USH1C: variants seen among roughly 807,000 people sequenced by gnomAD.
USH1C encodes the protein harmonin.
USH1C carries 90 observed loss-of-function variants against 119.3 expected under a neutral mutation model. The ratio of observed to expected loss-of-function variants is 0.75; its 90% CI spans 0.64 to 0.90. The LOEUF (loss-of-function observed/expected upper bound fraction) is 0.90. Ranked by LOEUF, USH1C falls within the 40% of genes least tolerant of loss-of-function variation. The pLI is 0.00. For synonymous variants in USH1C, 465 were observed against 443.3 expected, an observed-to-expected ratio of 1.05 and a Z score of -0.62; for missense variants, 1,165 against 1,167.7, an observed-to-expected ratio of 1.00 and a Z score of 0.03.
chr11:17,519,325 G>T (rs1028453067), intron 14 of USH1C, among the ~76,000 whole-genome samples: 1 of 152,232 alleles, frequency 6.6e-6, no homozygotes, highest in African/African-American at 2.4e-5. Context: ...GCAGGCGGGG[G>T]TCATCCATCC....
At chr11:17,534,293 G>C (rs1433968903) in intron 1 of USH1C, among the ~76,000 whole-genome samples, 1 of 152,220 alleles carries the variant, frequency 6.6e-6, no homozygotes, top group Non-Finnish European at 1.5e-5. Context: ...TCTTTCTGTG[G>C]GTATCCCAAG....
intron 4 of USH1C, among the ~76,000 whole-genome samples, chr11:17,530,242 C>T (rs188481484): frequency 1.4e-3 from 207 of 152,302 alleles, no homozygotes; most frequent in African/African-American, 4.7e-3. Context: ...TTTATCTCAA[C>T]ACACAAAAAC....
chr11:17,543,421 C>T lies in USH1C; in HGVS notation c.36+851G>A, dbSNP rs534448383. 7.2e-5 allele frequency among the ~76,000 whole-genome samples: 11 copies of T among 152,290 alleles called. No individual in the cohort carries two copies. The East Asian group carries it at 1.2e-3, about 16-fold the overall frequency. On this transcript the variant is annotated intron_variant, in intron 1 of 26. Transcript: ENST00000005226. ...GGGAGCTCCAGATACCACCCACCCC[C>T]CCCAAGCGGCTTCATCCCCAGACTC...
intron 20 of USH1C, among the ~76,000 whole-genome samples, chr11:17,503,576 T>C (rs1247961279): frequency 1.3e-5 from 2 of 152,196 alleles, no homozygotes; most frequent in Admixed American, 1.3e-4. Flanking sequence ...GACTCTGCAC[T>C]TCCCTGCTTC....
rs200428926 is a variant in USH1C, at chr11:17,501,057, G to T, written c.2374C>A (p.Arg792=). The change falls in exon 23 of 27, where the codon CGG becomes AGG. Residue 792 remains arginine (R), a synonymous_variant. Coordinates refer to ENST00000005226, the MANE Select transcript of USH1C (RefSeq NM_153676.4). ...GTGGCTAGTCTCCACTCACCATGCCGCTCAGCAGCTCCCCGCTCATACACA... is the reference window on the plus strand; with the variant it reads ...GTGGCTAGTCTCCACTCACCATGCCTCTCAGCAGCTCCCCGCTCATACACA... ...SAVYERGAAE[R]HGGIVKGDEI... is the part of the protein sequence containing the mutation. The T allele has an allele frequency of 6.0e-5, 96 of 1,613,344 alleles. No individual in the cohort carries two copies. In the South Asian group the frequency reaches 9.9e-4, roughly 17 times the overall value.
chr11:17,531,064 A>G lies in USH1C; in HGVS notation c.387+90T>C. ...CGAAGGCTCAGAAAAGTGGGTGACC[A>G]TGTTGTGCCACACAGCCTAGTGGAT... On this transcript the variant is annotated intron_variant, in intron 4 of 26. Transcript: ENST00000005226. This position sits in a 1 kb window ranked among gnomAD's most constrained non-coding sequence, Gnocchi z 4.2. 1.3e-6 allele frequency: 2 copies of G among 1,597,054 alleles called. No individual in the cohort carries two copies. Among genetic ancestry groups the G allele is most frequent in the Non-Finnish European group, 8.5e-7 (1 of 1,171,018 alleles).
intron 23 of USH1C, among the ~76,000 whole-genome samples, chr11:17,500,589 T>C (rs1173827366): frequency 6.6e-6 from 1 of 152,112 alleles, no homozygotes; most frequent in Non-Finnish European, 1.5e-5. Flanking sequence ...CACGTGCTGC[T>C]CCTCTTCCTC....
In USH1C at chr11:17,494,222, G is replaced by A; in HGVS notation, c.*110C>T. The A allele has an allele frequency of 1.5e-6, 2 of 1,341,760 alleles. No individual in the cohort carries two copies. The highest frequency in any genetic ancestry group is 2.5e-5 in the South Asian group (2 of 79,932). The allele number at this position is 1,341,760 out of a possible 1,614,324, so 83.1% of individuals were successfully genotyped here. On this transcript the variant is annotated 3_prime_UTR_variant, in exon 27 of 27. Transcript: ENST00000005226. Reference sequence around the variant, plus strand: ...GGGCCAAAGGGAGTTTGAGATTCCTGGGTGATAGATTCAGGTCCCAAGGAT... The same window carrying A: ...GGGCCAAAGGGAGTTTGAGATTCCTAGGTGATAGATTCAGGTCCCAAGGAT...
intron 1 of USH1C, among the ~76,000 whole-genome samples, chr11:17,542,514 A>G (rs1423801837): frequency 6.6e-6 from 1 of 152,246 alleles, no homozygotes; most frequent in African/African-American, 2.4e-5. Flanking sequence ...GATGAGGAAG[A>G]GTAGGGCAGA....
chr11:17,515,083 G>A (rs972827174), intron 15 of USH1C, among the ~76,000 whole-genome samples: 2 of 151,696 alleles, frequency 1.3e-5, no homozygotes, highest in Non-Finnish European at 2.9e-5. Context: ...GTGTGTGTGT[G>A]TTTTGTCCTC....
intron 1 of USH1C, among the ~76,000 whole-genome samples, chr11:17,536,597 T>G (rs1320175102): frequency 2.0e-5 from 3 of 152,196 alleles, no homozygotes; most frequent in African/African-American, 7.2e-5. Flanking sequence ...TCATCCTACC[T>G]GTCTCCTGAG....
At chr11:17,533,442 G>A (rs1012332555) in intron 1 of USH1C, 120 bp from the exon 2 acceptor site, 6 of 746,114 alleles carry the variant, frequency 8.0e-6, no homozygotes, top group Non-Finnish European at 1.2e-5. Context: ...CTGGAGTTGT[G>A]AGGAGAGAAG....
intron 4 of USH1C, among the ~76,000 whole-genome samples, chr11:17,528,253 G>A (rs777570276): frequency 6.6e-6 from 1 of 152,164 alleles, no homozygotes; most frequent in African/African-American, 2.4e-5. Context: ...AGGCCACAGT[G>A]GATTGTTGAG....
At chr11:17,516,573 G>C in intron 14 of USH1C, 1 of 474,572 alleles carries the variant, frequency 2.1e-6, no homozygotes, top group Non-Finnish European at 3.9e-6. Context: ...GTCAGGGCCA[G>C]AACATCAAAG....
chr11:17,505,722 C>T lies in USH1C; in HGVS notation c.2133+108G>A, dbSNP rs1284941091. ...AAGGTTAAGAGATGGCATCTGTGAT[C>T]TGCATTTTTGTCCCACCTCACTTGC... On this transcript the variant is annotated intron_variant, in intron 19 of 26. Transcript: ENST00000005226. 2.0e-6 allele frequency: 3 copies of T among 1,520,210 alleles called. No homozygotes were observed. The African/African-American group carries it at 4.1e-5, about 21-fold the overall frequency. The allele number at this position is 1,520,210 out of a possible 1,614,324, so 94.2% of individuals were successfully genotyped here. A position where few individuals can be genotyped will look rare whatever the true frequency, so the allele number is the denominator to read the frequency against.
At position 17,522,940 on chromosome 11, in the gene USH1C, A is replaced by G; in HGVS notation, c.877-14T>C. ...CAGCTCCCGGCCCTCATGGGAGAAA[A>G]GAGGCCCCTTGCTCAGCCCCCGGGG... On this transcript the variant is annotated splice_polypyrimidine_tract_variant and intron_variant, in intron 11 of 26. Transcript: ENST00000005226. 1 of 1,608,714 alleles carries G rather than the reference A, an allele frequency of 6.2e-7. No homozygotes were observed. Among genetic ancestry groups the G allele is most frequent in the Non-Finnish European group, 8.5e-7 (1 of 1,177,828 alleles).
chr11:17,504,724 C>T (rs781721922), intron 19 of USH1C, 27 bp from the exon 20 acceptor site: 3 of 1,610,016 alleles, frequency 1.9e-6, no homozygotes, highest in South Asian at 1.1e-5. Flanking sequence ...AAAAAAGTTC[C>T]ACATTGGATG....
At chr11:17,517,495 G>A in intron 14 of USH1C, 2 of 1,573,486 alleles carry the variant, frequency 1.3e-6, no homozygotes, top group South Asian at 1.2e-5. Flanking sequence ...AAAAGAGGAG[G>A]AAGCTGGTGA....
At chr11:17,499,825 C>A (rs569748007) in intron 23 of USH1C, among the ~76,000 whole-genome samples, 43 of 152,340 alleles carry the variant, frequency 2.8e-4, no homozygotes, top group Admixed American at 2.7e-3. Flanking sequence ...CTTTCCCATC[C>A]CTGTTTCCTG....
Sources: gnomAD v4.1 joint callset for allele counts (sites outside exome capture counted in the v4.1 genomes callset) on GRCh38, gnomAD v4.1.1 for gene constraint, Gnocchi (gnomAD v3.1) non-coding constraint, MANE v1.5 for transcripts, NCBI Gene and HGNC (gene_info 2026-07-23, HGNC 2026-07-21) for gene names.